Variants in PAX9 observed in about 807,000 individuals in gnomAD.
The protein encoded by PAX9 is paired box 9.
PAX9 carries 6 observed loss-of-function variants against 29.1 expected under a neutral mutation model. The ratio of observed to expected loss-of-function variants is 0.21; its 90% CI spans 0.11 to 0.41. PAX9 has a LOEUF of 0.41. PAX9 is among the 10% of genes least tolerant of loss of function. The pLI, the probability that PAX9 is intolerant of heterozygous loss-of-function variation, is 1.00. For synonymous variants in PAX9, 217 were observed against 211.7 expected, an observed-to-expected ratio of 1.03 and a Z score of -0.22; for missense variants, 443 against 479.1, an observed-to-expected ratio of 0.92 and a Z score of 0.70.
chr14:36,676,102 G>A, intron 3 of PAX9, 96 bp from the exon 4 acceptor site: 1 of 1,315,466 alleles, frequency 7.6e-7, no homozygotes, highest in Admixed American at 1.8e-5. Flanking sequence ...AGCATTGCTG[G>A]CTTACTCAGA....
Position 36,679,271 on chromosome 14 carries a change from T to TACA in PAX9, c.*2823_*2825dup, listed in dbSNP as rs1882071490. Reference sequence around the variant, plus strand: ...TTTAAAAAACACGTTGGAAAGGATGTACAACAGAAGGCTATGTATGTATAT... The same window carrying TACA: ...TTTAAAAAACACGTTGGAAAGGATGTACAACAACAGAAGGCTATGTATGTATAT... On this transcript the variant is annotated 3_prime_UTR_variant, in exon 4 of 4. Coordinates refer to ENST00000361487, the MANE Select transcript of PAX9 (RefSeq NM_001372076.1). 1 of 982,836 alleles carries TACA rather than the reference T, an allele frequency of 1.0e-6. No homozygotes were observed. The highest frequency in any genetic ancestry group is 1.2e-6 in the Non-Finnish European group (1 of 827,532). 60.9% of individuals were successfully genotyped at this position (982,836 alleles called of 1,614,324 possible). A position where few individuals can be genotyped will look rare whatever the true frequency, so the allele number is the denominator to read the frequency against.
chr14:36,671,554 T>C (rs972912184), intron 3 of PAX9, among the ~76,000 whole-genome samples: 2 of 152,148 alleles, frequency 1.3e-5, no homozygotes. Context: ...TCTTTTGCTT[T>C]CACAAACCTA....
In PAX9 at chr14:36,672,782, T is replaced by TTG. The variant is rs1881732821; in HGVS notation, c.772-3415_772-3414insGT. On this transcript the variant is annotated intron_variant, in intron 3 of 3. Transcript: ENST00000361487. ...TACTGTTTAAGTTTAAAGATTTATG[T>TTG]TTGTTTTTTTTTTTAAGCAAACGTT... 8.1e-5 allele frequency among the ~76,000 whole-genome samples: 8 copies of TTG among 98,328 alleles called. No individual in the cohort carries two copies. The South Asian group carries it at 1.5e-3, about 19-fold the overall frequency. The allele number at this position is 98,328 out of a possible 152,430, so 64.5% of individuals were successfully genotyped here. A position where few individuals can be genotyped will look rare whatever the true frequency, so the allele number is the denominator to read the frequency against.
rs150467947 is a variant in PAX9, at chr14:36,671,542, C to T, written c.772-4656C>T. ...CTTTGTTTTTTAAGCTACAGTGTCACATCTTTTGCTTTCACAAACCTATAC... is the reference window on the plus strand; with the variant it reads ...CTTTGTTTTTTAAGCTACAGTGTCATATCTTTTGCTTTCACAAACCTATAC... On this transcript the variant is annotated intron_variant, in intron 3 of 3. Coordinates refer to ENST00000361487, the MANE Select transcript of PAX9 (RefSeq NM_001372076.1). Among the ~76,000 whole-genome samples, 600 of 150,114 alleles carry T rather than the reference C, an allele frequency of 4.0e-3. 3 individuals are homozygous for T. The highest frequency in any genetic ancestry group is 0.014 in the African/African-American group (573 of 39,560).
chr14:36,670,943 C>T (rs1344304833), intron 3 of PAX9: 1 of 267,966 alleles, frequency 3.7e-6, no homozygotes, highest in Non-Finnish European at 7.4e-6. Flanking sequence ...ACCATCATTT[C>T]ATTTTGTCAG....
At position 36,678,488 on chromosome 14, in the gene PAX9, G is replaced by T. The variant is rs1458140498; in HGVS notation, c.*2036G>T. The T allele has an allele frequency of 2.0e-6, 3 of 1,536,730 alleles. No homozygotes were observed. In the African/African-American group the frequency reaches 4.1e-5, roughly 21 times the overall value. On this transcript the variant is annotated 3_prime_UTR_variant, in exon 4 of 4. Transcript: ENST00000361487. ...ATTGACATCTGGAGTTCCCAGTCTG[G>T]TGAGAAAATAGACTATAAACTGAAT...
chr14:36,665,741 G>A (rs1196576709), intron 2 of PAX9, among the ~76,000 whole-genome samples: 1 of 152,066 alleles, frequency 6.6e-6, no homozygotes, highest in Non-Finnish European at 1.5e-5. Flanking sequence ...GGAAAACCCT[G>A]CCACTAACAC....
At chr14:36,661,072 T>A (rs1172288859), upstream of PAX9, among the ~76,000 whole-genome samples, 6 of 152,246 alleles carry the variant, frequency 3.9e-5, no homozygotes. Context: ...AGTGGCTGAA[T>A]GTGGCAGAGC....
chr14:36,667,381 T>G (rs184279502), intron 3 of PAX9, among the ~76,000 whole-genome samples: 1 of 151,490 alleles, frequency 6.6e-6, no homozygotes, highest in East Asian at 2.0e-4. Context: ...GCCCCAGATT[T>G]AAGTCTAAAT....
In PAX9 at chr14:36,676,646, C is replaced by A; in HGVS notation, c.*194C>A. 1 of 653,456 alleles carries A rather than the reference C, an allele frequency of 1.5e-6. No individual in the cohort carries two copies. Among genetic ancestry groups the A allele is most frequent in the South Asian group, 1.8e-5 (1 of 54,682 alleles). The allele number at this position is 653,456 out of a possible 1,614,324, so 40.5% of individuals were successfully genotyped here. A position where few individuals can be genotyped will look rare whatever the true frequency, so the allele number is the denominator to read the frequency against. On this transcript the variant is annotated 3_prime_UTR_variant, in exon 4 of 4. Coordinates refer to ENST00000361487, the MANE Select transcript of PAX9 (RefSeq NM_001372076.1). Reference sequence around the variant, plus strand: ...CCATAACTTTTCTCTTGCAGAAAAACTGACATGACTTTAGGATTTAAAAAC... The same window carrying A: ...CCATAACTTTTCTCTTGCAGAAAAAATGACATGACTTTAGGATTTAAAAAC...
chr14:36,664,172 A>G (rs1241173527), intron 2 of PAX9, among the ~76,000 whole-genome samples: 1 of 152,204 alleles, frequency 6.6e-6, no homozygotes, highest in Non-Finnish European at 1.5e-5. Context: ...ACGAAGTCAT[A>G]TTCACATTCT....
At chr14:36,659,073 A>G (rs531107999), upstream of PAX9, among the ~76,000 whole-genome samples, 1 of 152,222 alleles carries the variant, frequency 6.6e-6, no homozygotes, top group Non-Finnish European at 1.5e-5. Context: ...CGACGCGGCT[A>G]GGGAAAGGCT....
At chr14:36,674,084 A>G (rs973591806) in intron 3 of PAX9, among the ~76,000 whole-genome samples, 3 of 152,232 alleles carry the variant, frequency 2.0e-5, no homozygotes, top group African/African-American at 7.2e-5. Context: ...TATAATCTCT[A>G]TGCAAAACTA....
chr14:36,663,304 G>C lies in PAX9; in HGVS notation c.412G>C (p.Gly138Arg). The change falls in exon 2 of 4, where the codon GGT becomes CGT. Residue 138 changes from glycine to arginine, a missense_variant. Physicochemically the swap from Gly to Arg is moderately radical, Grantham distance 125. Coordinates refer to ENST00000361487, the MANE Select transcript of PAX9 (RefSeq NM_001372076.1). Reference protein sequence around the residue: ...RNKIGNLAQQGHYDSYKQHQP... With the variant: ...RNKIGNLAQQRHYDSYKQHQP... Reference sequence around the variant, plus strand: ...CAAGATCGGCAACTTGGCCCAGCAGGGTCATTACGACTCATACAAGCAGCA... The same window carrying C: ...CAAGATCGGCAACTTGGCCCAGCAGCGTCATTACGACTCATACAAGCAGCA... The C allele has an allele frequency of 6.2e-7, 1 of 1,614,154 alleles. No homozygotes were observed. Among genetic ancestry groups the C allele is most frequent in the Non-Finnish European group, 8.5e-7 (1 of 1,180,040 alleles).
intron 3 of PAX9, among the ~76,000 whole-genome samples, chr14:36,666,819 G>A (rs1479551909): frequency 6.6e-6 from 1 of 152,242 alleles, no homozygotes; most frequent in Non-Finnish European, 1.5e-5. Context: ...GGGGCCGGGA[G>A]CGCTCGTCAG....
At chr14:36,661,398 G>A (rs1307874576), upstream of PAX9, among the ~76,000 whole-genome samples, 1 of 152,188 alleles carries the variant, frequency 6.6e-6, no homozygotes, top group Non-Finnish European at 1.5e-5. Context: ...AGGTAGAATC[G>A]GCAGGTGACA....
intron 2 of PAX9, among the ~76,000 whole-genome samples, chr14:36,665,828 T>C (rs1475560246): frequency 6.6e-6 from 1 of 152,206 alleles, no homozygotes; most frequent in African/African-American, 2.4e-5. Context: ...TGTGTAGAGG[T>C]AGTGTATCAA....
chr14:36,660,413 T>C (rs1881213158), upstream of PAX9, among the ~76,000 whole-genome samples: 1 of 152,234 alleles, frequency 6.6e-6, no homozygotes, highest in Non-Finnish European at 1.5e-5. Flanking sequence ...TAAAGAGTGG[T>C]GTTTTAGTTC....
chr14:36,671,892 A>G (rs1275670699), intron 3 of PAX9: 1 of 152,200 alleles, frequency 6.6e-6, no homozygotes, highest in Non-Finnish European at 1.5e-5. Flanking sequence ...TCCTAAAAGT[A>G]TTAAAACAAA....
Sources: allele counts gnomAD v4.1 joint callset (sites outside exome capture counted in the v4.1 genomes callset), GRCh38; gene constraint gnomAD v4.1.1; transcripts MANE v1.5; gene names NCBI Gene and HGNC (gene_info 2026-07-23, HGNC 2026-07-21).